Variants in ACOXL observed in about 807,000 individuals in gnomAD.
ACOXL encodes the protein acyl-coenzyme A oxidase-like protein.
A neutral mutation model predicts 71.9 loss-of-function variants in ACOXL; 70 were observed. That is an observed-to-expected ratio of 0.97 (90% CI 0.80 to 1.19). The LOEUF is 1.19. ACOXL is among the 50% of genes most tolerant of loss of function. ACOXL has a pLI of 0.00. For missense variants in ACOXL, 703 were observed against 736.3 expected (o/e 0.95, Z 0.52); for synonymous variants, 253 against 281.6 (o/e 0.90, Z 1.02).
intron 10 of ACOXL, among the ~76,000 whole-genome samples, chr2:110,873,217 G>T (rs951899039): frequency 1.3e-5 from 2 of 152,154 alleles, no homozygotes; most frequent in Non-Finnish European, 2.9e-5. Flanking sequence ...AACCCTGGCT[G>T]TGGCTAATGG....
intron 12 of ACOXL, among the ~76,000 whole-genome samples, chr2:110,984,700 A>AT (rs1326491092): frequency 6.6e-6 from 1 of 152,186 alleles, no homozygotes; most frequent in Non-Finnish European, 1.5e-5. Context: ...GTTCTACCCA[A>AT]TTTTAGTTGC....
At chr2:110,774,933 C>T (rs758331029) in intron 2 of ACOXL, among the ~76,000 whole-genome samples, 1 of 152,152 alleles carries the variant, frequency 6.6e-6, no homozygotes, top group African/African-American at 2.4e-5. Flanking sequence ...TGCAAAGCTA[C>T]TATAATCAAA....
At chr2:110,921,391 C>G (rs916668350) in intron 11 of ACOXL, among the ~76,000 whole-genome samples, 1 of 113,434 alleles carries the variant, frequency 8.8e-6, no homozygotes, top group Non-Finnish European at 1.8e-5. Flanking sequence ...TATATCCACC[C>G]CCCCCCCCCT....
chr2:110,912,685 A>AG (rs2059688331), intron 11 of ACOXL, among the ~76,000 whole-genome samples: 1 of 152,190 alleles, frequency 6.6e-6, no homozygotes, highest in Admixed American at 6.5e-5. Context: ...TTGCAACTGT[A>AG]GGTTAGGCAG....
intron 15 of ACOXL, among the ~76,000 whole-genome samples, chr2:111,043,296 C>T (rs1280590944): frequency 1.3e-5 from 2 of 152,162 alleles, no homozygotes; most frequent in Non-Finnish European, 2.9e-5. Context: ...CTGCTGGTTG[C>T]GAAGAAGTTA....
intron 17 of ACOXL, among the ~76,000 whole-genome samples, chr2:111,097,940 T>C (rs139608943): frequency 0.017 from 2,660 of 152,340 alleles, 84 homozygotes; most frequent in African/African-American, 0.061. Flanking sequence ...GGTTGGACTT[T>C]AGCAACTTGC....
chr2:110,744,474 A>G (rs1197971519), intron 1 of ACOXL, among the ~76,000 whole-genome samples: 1 of 152,178 alleles, frequency 6.6e-6, no homozygotes, highest in African/African-American at 2.4e-5. Context: ...TTTGAGGTGA[A>G]GAAAATGGTG....
At chr2:110,733,412 G>A (rs981189966) in intron 1 of ACOXL, among the ~76,000 whole-genome samples, 1 of 152,146 alleles carries the variant, frequency 6.6e-6, no homozygotes. Context: ...GAGATAGAGA[G>A]ATGGTTCAGT....
At chr2:111,041,483 G>C (rs1430189201) in intron 15 of ACOXL, among the ~76,000 whole-genome samples, 1 of 152,206 alleles carries the variant, frequency 6.6e-6, no homozygotes, top group East Asian at 1.9e-4. Flanking sequence ...GTCCTTCCAT[G>C]CAGGTGAAGG....
At chr2:110,854,021 C>T (rs1692943524) in intron 10 of ACOXL, among the ~76,000 whole-genome samples, 1 of 151,758 alleles carries the variant, frequency 6.6e-6, no homozygotes, top group Non-Finnish European at 1.5e-5. Flanking sequence ...CACACCATGT[C>T]TGCCTTTGGT....
At chr2:111,063,070 C>T (rs967516623) in intron 16 of ACOXL, among the ~76,000 whole-genome samples, 1 of 152,076 alleles carries the variant, frequency 6.6e-6, no homozygotes, top group South Asian at 2.1e-4. Context: ...TTCGAAAACA[C>T]ACAATACCAC....
intron 10 of ACOXL, among the ~76,000 whole-genome samples, chr2:110,863,773 G>T (rs1559360684): frequency 6.6e-6 from 1 of 152,144 alleles, no homozygotes. Context: ...TCTCTGTGGG[G>T]GGAGGGTGCA....
rs552623893 is a variant in ACOXL, at chr2:110,869,485, T to G, written c.788+28080T>G. ...ACTGGCCACAATGGCAAATGTGTGG[T>G]GGGTGAGCTTCCTGGCGGGGATGTA... On this transcript the variant is annotated intron_variant, in intron 10 of 17. Transcript: ENST00000439055. 5.9e-5 allele frequency among the ~76,000 whole-genome samples: 9 copies of G among 152,296 alleles called. No homozygotes were observed. The East Asian group carries it at 1.7e-3, about 29-fold the overall frequency.
chr2:110,834,715 C>T (rs1690245048), intron 9 of ACOXL, among the ~76,000 whole-genome samples: 1 of 152,208 alleles, frequency 6.6e-6, no homozygotes, highest in Non-Finnish European at 1.5e-5. Flanking sequence ...GTTTGAGTTC[C>T]CTCTCTGGAG....
intron 9 of ACOXL, among the ~76,000 whole-genome samples, chr2:110,833,231 C>G (rs936168035): frequency 2.4e-4 from 37 of 152,194 alleles, no homozygotes; most frequent in Non-Finnish European, 4.1e-4. Flanking sequence ...CCATGGAACA[C>G]TGCTCAGCAA....
intron 9 of ACOXL, among the ~76,000 whole-genome samples, chr2:110,820,888 TG>T (rs1253446263): frequency 6.6e-6 from 1 of 151,818 alleles, no homozygotes; most frequent in Non-Finnish European, 1.5e-5. Context: ...GAGATGAGGG[TG>T]GGAGAAGGTG....
chr2:111,100,043 A>T (rs1000011771), intron 17 of ACOXL: 2 of 152,172 alleles, frequency 1.3e-5, no homozygotes, highest in African/African-American at 4.8e-5. Context: ...GAACTCCTGG[A>T]CACAGCTGTC....
At chr2:111,114,377 A>ACC (rs2070197840) in intron 17 of ACOXL, 1 of 152,278 alleles carries the variant, frequency 6.6e-6, no homozygotes, top group Non-Finnish European at 1.5e-5. Context: ...AACTCTGGAA[A>ACC]TCACACAGTG....
intron 12 of ACOXL, among the ~76,000 whole-genome samples, chr2:110,942,933 G>T (rs2060922165): frequency 8.8e-6 from 1 of 113,652 alleles, no homozygotes. Context: ...GAGAAAGAAA[G>T]AAAGAAGAAA....
Sources: gnomAD v4.1 joint callset for allele counts (sites outside exome capture counted in the v4.1 genomes callset) on GRCh38, gnomAD v4.1.1 for gene constraint, MANE v1.5 for transcripts, NCBI Gene and HGNC (gene_info 2026-07-23, HGNC 2026-07-21) for gene names.